The following ACP7 variants were observed in gnomAD, a reference collection of about 807,000 sequenced individuals.
ACP7 encodes the protein acid phosphatase 7, tartrate resistant (putative), also known as acid phosphatase type 7.
In ACP7, 58 loss-of-function variants were observed where a neutral mutation model predicts 60.6. The ratio of observed to expected loss-of-function variants is 0.96; its 90% confidence interval spans 0.77 to 1.19. The LOEUF is 1.19. ACP7 is among the 50% of genes most tolerant of loss of function. ACP7 has a pLI of 0.00. For missense variants in ACP7, 574 were observed against 596.2 expected, an observed-to-expected ratio of 0.96 and a Z score of 0.39; for synonymous variants, 237 against 232.6, an observed-to-expected ratio of 1.02 and a Z score of -0.17.
chr19:39,099,214 C>A, intron 4 of ACP7, 72 bp downstream of exon 4: 1 of 1,110,558 alleles, frequency 9.0e-7, no homozygotes, highest in Non-Finnish European at 1.1e-6. Context: ...GCGCGCGGGT[C>A]GGGGGCGCGC....
rs79401958 is a variant in ACP7 at position 39,101,344 on chromosome 19, T to G, written c.1030T>G (p.Tyr344Asp). 8.1e-5 allele frequency: 130 copies of G among 1,614,146 alleles called. 1 individual carries two copies. The East Asian group carries it at 2.8e-3, about 35-fold the overall frequency. Residue 344 changes from tyrosine (Y) to aspartate (D), a missense_variant, in exon 10 of 13, where the codon TAC becomes GAC. By Grantham distance (160) the Tyr-to-Asp change is radical (BLOSUM62 -3). Transcript: ENST00000331256. The stretch of plus-strand genomic sequence containing the variant: ...CTCGTATGAACGACTGTGGCCAATT[T>G]ACAACTACCAGGTGAGGCACGTGAA... ...EHSYERLWPI[Y>D]NYQVFNGSRE...
intron 11 of ACP7, among the ~76,000 whole-genome samples, chr19:39,103,788 A>G (rs1009913499): frequency 6.6e-6 from 1 of 152,134 alleles, no homozygotes; most frequent in Non-Finnish European, 1.5e-5. Context: ...AGACTGTGCT[A>G]CTGCACTCTA....
At chr19:39,106,625 GC>G (rs1416677835) in intron 11 of ACP7, among the ~76,000 whole-genome samples, 2 of 152,202 alleles carry the variant, frequency 1.3e-5, no homozygotes, top group Non-Finnish European at 2.9e-5. Context: ...CTGGGTTCAA[GC>G]AATTATCCTG....
intron 11 of ACP7, among the ~76,000 whole-genome samples, chr19:39,106,055 A>G (rs2073408053): frequency 1.3e-5 from 2 of 152,168 alleles, no homozygotes; most frequent in African/African-American, 4.8e-5. Context: ...TTTATCATCC[A>G]TTCATGATCC....
chr19:39,092,906 T>G (rs2073220015), intron 2 of ACP7, among the ~76,000 whole-genome samples: 1 of 150,824 alleles, frequency 6.6e-6, no homozygotes, highest in Non-Finnish European at 1.5e-5. Context: ...GCCTCCTGAG[T>G]AGCTGGGACT....
At chr19:39,093,794 C>T (rs750134000) in intron 2 of ACP7, among the ~76,000 whole-genome samples, 6 of 152,170 alleles carry the variant, frequency 3.9e-5, no homozygotes, top group African/African-American at 1.2e-4. Flanking sequence ...TGAACAGAGA[C>T]ACCTGCATAT....
At chr19:39,093,777 G>A (rs1411809913) in intron 2 of ACP7, among the ~76,000 whole-genome samples, 1 of 151,952 alleles carries the variant, frequency 6.6e-6, no homozygotes, top group African/African-American at 2.4e-5. Context: ...TATTTCTTTT[G>A]TACAAATGAA....
rs367634167 is a variant in ACP7 at position 39,099,143 on chromosome 19, G to T, written c.505+1G>T. ...ATGTATGACGCCGTTCTCCATGTGGGTGAGGCATCCGCAGGGGCGCGCGCA... is the reference window on the plus strand; with the variant it reads ...ATGTATGACGCCGTTCTCCATGTGGTTGAGGCATCCGCAGGGGCGCGCGCA... On this transcript the variant is annotated splice_donor_variant, in intron 4 of 12. Transcript: ENST00000331256. LOFTEE classifies it high-confidence loss of function. The T allele has an allele frequency of 1.1e-5, 17 of 1,519,656 alleles. No homozygotes were observed. Among genetic ancestry groups the T allele is most frequent in the African/African-American group, 2.8e-5 (2 of 70,704 alleles). The allele number at this position is 1,519,656 out of a possible 1,614,324, so 94.1% of individuals were successfully genotyped here.
At position 39,085,337 on chromosome 19, in the gene ACP7, G is replaced by C; in HGVS notation, c.68G>C (p.Gly23Ala). The C allele has an allele frequency of 1.2e-6, 2 of 1,613,580 alleles. No homozygotes were observed. The highest frequency in any genetic ancestry group is 1.7e-6 in the Non-Finnish European group (2 of 1,179,754). The change falls in exon 2 of 13, where the codon GGG becomes GCG. Residue 23 changes from glycine (G) to alanine (A), a missense_variant. Physicochemically the swap from Gly to Ala is moderately conservative, Grantham distance 60 (BLOSUM62 0). Coordinates refer to ENST00000331256, the MANE Select transcript of ACP7 (RefSeq NM_001004318.3). ...CTGCTATTCTCCTTGGGAGTCCAGG[G>C]GTCCCTGGGGGCTCCCAGCGCTGCC... ...LLLLFSLGVQ[G>A]SLGAPSAAPE...
chr19:39,085,445 C>T (rs1189583585), intron 2 of ACP7, 55 bp downstream of exon 2: 14 of 1,536,178 alleles, frequency 9.1e-6, no homozygotes, highest in East Asian at 2.3e-5. Flanking sequence ...AGCGGTGCTT[C>T]GTTGTTTGAG....
At chr19:39,085,506 T>C (rs2073131614) in intron 2 of ACP7, 116 bp downstream of exon 2, 5 of 1,337,344 alleles carry the variant, frequency 3.7e-6, no homozygotes, top group Admixed American at 5.3e-5. Context: ...TCATTCCTCC[T>C]GAGCCTCCAT....
rs765846639 is a variant in ACP7 at position 39,101,362 on chromosome 19, C to T, written c.1041+7C>T. 4 of 1,614,166 alleles carry T rather than the reference C, an allele frequency of 2.5e-6. No individual in the cohort carries two copies. Among genetic ancestry groups the T allele is most frequent in the Non-Finnish European group, 3.4e-6 (4 of 1,180,046 alleles). On this transcript the variant is annotated splice_region_variant and intron_variant, in intron 10 of 12. Coordinates refer to ENST00000331256, the MANE Select transcript of ACP7 (RefSeq NM_001004318.3). ...GCCAATTTACAACTACCAGGTGAGG[C>T]ACGTGAAGGGCTGAGCGCCCACACA...
chr19:39,097,568 G>GAAA (rs138172749), intron 2 of ACP7, among the ~76,000 whole-genome samples: 5 of 132,258 alleles, frequency 3.8e-5, no homozygotes, highest in African/African-American at 1.1e-4. Context: ...CTATCTCTAA[G>GAAA]AAAAAAAAAA....
chr19:39,096,086 AT>A (rs1363026711), intron 2 of ACP7, among the ~76,000 whole-genome samples: 2 of 152,018 alleles, frequency 1.3e-5, no homozygotes, highest in Non-Finnish European at 2.9e-5. Context: ...CCCTGGAGAT[AT>A]TTTCCCCATT....
chr19:39,087,562 G>A (rs545814787), intron 2 of ACP7, among the ~76,000 whole-genome samples: 110 of 152,034 alleles, frequency 7.2e-4, no homozygotes, highest in African/African-American at 2.4e-3. Context: ...CGAGACTCAA[G>A]CGATCCTCCC....
In ACP7 at chr19:39,099,046, G is replaced by A. The variant is rs567807660; in HGVS notation, c.409G>A (p.Ala137Thr). 17 of 1,612,592 alleles carry A rather than the reference G, an allele frequency of 1.1e-5. No individual in the cohort carries two copies. The Admixed American group carries it at 2.8e-4, about 27-fold the overall frequency. The change falls in exon 4 of 13, where the codon GCT becomes ACT. Residue 137 changes from alanine (A) to threonine (T), a missense_variant. Ala to Thr is a moderately conservative substitution (Grantham distance 58, BLOSUM62 0). Transcript: ENST00000331256. ...TGGGGCCCACTGGAGTCCCCGTCTG[G>A]CTGTGTTTGGAGACCTGGGGGCTGA... ...KNGAHWSPRL[A>T]VFGDLGADNP...
chr19:39,085,423 C>T lies in ACP7; in HGVS notation c.121+33C>T, dbSNP rs151099417. ...TCCCTGACTCATTTCTATGCCTCTA[C>T]CAGAGAGGCCCAGCGGTGCTTCGTT... is the stretch of plus-strand genomic sequence containing the variant. On this transcript the variant is annotated intron_variant, in intron 2 of 12. Transcript: ENST00000331256. The T allele has an allele frequency of 5.7e-6, 9 of 1,582,678 alleles. No individual in the cohort carries two copies. In the East Asian group the frequency reaches 1.8e-4, roughly 32 times the overall value.
chr19:39,105,733 A>G (rs1298337331), intron 11 of ACP7, among the ~76,000 whole-genome samples: 1 of 151,532 alleles, frequency 6.6e-6, no homozygotes, highest in Non-Finnish European at 1.5e-5. Context: ...GCTGGTCTTG[A>G]ACTCCTGGGC....
intron 4 of ACP7, 61 bp from the exon 5 acceptor site, chr19:39,100,166 C>T (rs1366530409): frequency 1.3e-6 from 2 of 1,597,018 alleles, no homozygotes; most frequent in East Asian, 4.5e-5. Flanking sequence ...CTGGCTCTCT[C>T]AATTCCAGTG....
Sources: allele counts gnomAD v4.1 joint callset (sites outside exome capture counted in the v4.1 genomes callset), GRCh38; gene constraint gnomAD v4.1.1; transcripts MANE v1.5; gene names NCBI Gene and HGNC (gene_info 2026-07-23, HGNC 2026-07-21).